Variants in CCDC141 observed in about 807,000 individuals in gnomAD.
CCDC141 encodes the protein coiled-coil domain-containing protein 141.
In CCDC141, 168 loss-of-function variants were observed where a neutral mutation model predicts 181.0. The ratio of observed to expected loss-of-function variants is 0.93; its 90% confidence interval spans 0.82 to 1.05. The LOEUF (loss-of-function observed/expected upper bound fraction) is 1.05, where lower values mean the gene tolerates loss of function less well. Among genes scored for constraint, CCDC141 ranks in the 50% least tolerant of loss-of-function variants. The probability of loss-of-function intolerance (pLI) is 0.00; values close to 1 mark genes in which losing one functional copy is unlikely to be tolerated. For synonymous variants in CCDC141, 666 were observed against 642.3 expected, an observed-to-expected ratio of 1.04 and a Z score of -0.56; for missense variants, 1,902 against 1,788.5, an observed-to-expected ratio of 1.06 and a Z score of -1.14.
At chr2:178,869,674 T>C (rs1281226984) in intron 14 of CCDC141, among the ~76,000 whole-genome samples, 1 of 152,180 alleles carries the variant, frequency 6.6e-6, no homozygotes, top group Non-Finnish European at 1.5e-5. Flanking sequence ...CAGACTAGAA[T>C]CAGGTGGTAT....
Position 178,855,472 on chromosome 2 carries a change from T to G in CCDC141, c.2935A>C (p.Lys979Gln), listed in dbSNP as rs1443825899. ...ATGACTTCCAAAAGGACATTAACTT[T>G]ATCACTTGGATAATTTAAGAAAGAA... ...SDSFLNYPSD[K>Q]VNVLLEVMKD... The change falls in exon 19 of 24, where the codon AAA (lysine) becomes CAA (glutamine). Residue 979 changes from lysine (K) to glutamine (Q), a missense_variant. By Grantham distance (53) the Lys-to-Gln change is moderately conservative. Coordinates refer to ENST00000443758, the MANE Select transcript of CCDC141 (RefSeq NM_173648.4). The G allele has an allele frequency of 6.2e-7, 1 of 1,610,436 alleles. No homozygotes were observed. The highest frequency in any genetic ancestry group is 1.7e-5 in the Admixed American group (1 of 59,462).
At chr2:178,840,130 C>T (rs1019590085) in intron 22 of CCDC141, among the ~76,000 whole-genome samples, 2 of 152,216 alleles carry the variant, frequency 1.3e-5, no homozygotes, top group Admixed American at 6.5e-5. Context: ...ACTTTAATAG[C>T]TCTTTGACTG....
chr2:179,000,868 C>A (rs900233775), intron 2 of CCDC141, among the ~76,000 whole-genome samples: 1 of 152,202 alleles, frequency 6.6e-6, no homozygotes, highest in East Asian at 1.9e-4. Context: ...AATTGACTAG[C>A]AATATCATAA....
intron 3 of CCDC141, among the ~76,000 whole-genome samples, chr2:178,975,859 G>A (rs1004248832): frequency 6.6e-6 from 1 of 152,104 alleles, no homozygotes; most frequent in South Asian, 2.1e-4. Context: ...TCTATAATTT[G>A]TAATTCTGTT....
chr2:179,002,307 G>T, intron 2 of CCDC141: 1 of 278,110 alleles, frequency 3.6e-6, no homozygotes. Flanking sequence ...CTGTTATACA[G>T]CCAGAAGAAC....
rs544672861 is a variant in CCDC141, at chr2:178,998,757, G to A, written c.226-20082C>T. ...TCTCTTCCTATTTTTAAACATCTAG[G>A]TGTTTCAGGATATCACGGTCTTTGA... On this transcript the variant is annotated intron_variant, in intron 2 of 23. Transcript: ENST00000443758. 5.3e-5 allele frequency among the ~76,000 whole-genome samples: 8 copies of A among 151,818 alleles called. No homozygotes were observed. The East Asian group carries it at 1.2e-3, about 22-fold the overall frequency.
intron 11 of CCDC141, among the ~76,000 whole-genome samples, chr2:178,881,734 A>G (rs1022832634): frequency 2.6e-5 from 4 of 152,080 alleles, no homozygotes; most frequent in Non-Finnish European, 5.9e-5. Flanking sequence ...ACAAAAAAAA[A>G]TACAAAAAAA....
intron 7 of CCDC141, among the ~76,000 whole-genome samples, chr2:178,917,186 T>C (rs980954043): frequency 1.3e-5 from 2 of 152,334 alleles, no homozygotes; most frequent in East Asian, 3.9e-4. Flanking sequence ...TGTAGATGAC[T>C]CACTCATTTT....
chr2:178,883,448 A>C (rs1367471883), intron 11 of CCDC141, among the ~76,000 whole-genome samples: 1 of 152,222 alleles, frequency 6.6e-6, no homozygotes, highest in Non-Finnish European at 1.5e-5. Flanking sequence ...AAAGAGAAAA[A>C]GCTAAAAAGA....
At chr2:178,958,722 T>A (rs1181507604) in intron 5 of CCDC141, among the ~76,000 whole-genome samples, 2 of 151,212 alleles carry the variant, frequency 1.3e-5, no homozygotes, top group Non-Finnish European at 3.0e-5. Context: ...CTTTTTTTTG[T>A]TTTTTTTACT....
At chr2:178,865,734 C>T (rs746433881) in intron 17 of CCDC141, 33 bp downstream of exon 17, 49 of 1,431,138 alleles carry the variant, frequency 3.4e-5, no homozygotes, top group Non-Finnish European at 4.2e-5. Flanking sequence ...AGCTTTTTGG[C>T]AATGTGCCAG....
At chr2:178,909,774 C>T (rs1688141119) in intron 7 of CCDC141, among the ~76,000 whole-genome samples, 1 of 152,182 alleles carries the variant, frequency 6.6e-6, no homozygotes, top group African/African-American at 2.4e-5. Context: ...CAGTACAGAA[C>T]ATATTATTTC....
rs183444011 is a variant in CCDC141, at chr2:178,909,727, C to A, written c.1093-4226G>T. On this transcript the variant is annotated intron_variant, in intron 7 of 23. Coordinates refer to ENST00000443758, the MANE Select transcript of CCDC141 (RefSeq NM_173648.4). ...CATACCCATAAAGAACCTGATATAT[C>A]GGACCCAGCCTGGAAAGACTCCCTT... 4.7e-4 allele frequency among the ~76,000 whole-genome samples: 72 copies of A among 152,208 alleles called. 2 individuals are homozygous for A. Among genetic ancestry groups the A allele is most frequent in the African/African-American group, 1.6e-3 (66 of 41,530 alleles).
intron 17 of CCDC141, among the ~76,000 whole-genome samples, chr2:178,864,207 AG>A (rs1207751734): frequency 6.6e-6 from 1 of 152,124 alleles, no homozygotes; most frequent in African/African-American, 2.4e-5. Flanking sequence ...GTAGAGGAGG[AG>A]GAAGAGAAGG....
At chr2:178,932,696 C>T (rs896112244) in intron 6 of CCDC141, among the ~76,000 whole-genome samples, 2 of 152,182 alleles carry the variant, frequency 1.3e-5, no homozygotes, top group Admixed American at 6.5e-5. Context: ...TTTCCATATA[C>T]ACCCACATAC....
chr2:179,028,644 A>T (rs916257451), intron 2 of CCDC141, among the ~76,000 whole-genome samples: 2 of 152,212 alleles, frequency 1.3e-5, no homozygotes, highest in South Asian at 4.1e-4. Context: ...GTTTGGGATT[A>T]TCTTCAACTT....
intron 8 of CCDC141, among the ~76,000 whole-genome samples, chr2:178,894,813 A>G (rs1687329652): frequency 6.6e-6 from 1 of 152,072 alleles, no homozygotes; most frequent in Admixed American, 6.6e-5. Flanking sequence ...ATAGAAGAGA[A>G]AAAAAAGGTA....
At position 178,961,343 on chromosome 2, in the gene CCDC141, G is replaced by A. The variant is rs1690387837; in HGVS notation, c.667C>T (p.Leu223Phe). ...CTCCTGTCTTGTAGAAGTTCAAGAA[G>A]GCGGTCAACCTTCAGACAGCTGCTA... ...AHSSCLKVDR[L>F]LELLQDRRRQ... The change falls in exon 5 of 24, where the codon CTT becomes TTT. Residue 223 changes from leucine (L) to phenylalanine (F), a missense_variant. Coordinates refer to ENST00000443758, the MANE Select transcript of CCDC141 (RefSeq NM_173648.4). The A allele has an allele frequency of 2.6e-6, 4 of 1,550,572 alleles. No individual in the cohort carries two copies. The highest frequency in any genetic ancestry group is 3.3e-4 in the Middle Eastern group (2 of 5,994).
intron 8 of CCDC141, among the ~76,000 whole-genome samples, chr2:178,902,664 C>T (rs1687758392): frequency 6.6e-6 from 1 of 151,818 alleles, no homozygotes; most frequent in South Asian, 2.1e-4. Context: ...TAGAAGAAAA[C>T]CTAGGCATTA....
Sources: allele counts gnomAD v4.1 joint callset (sites outside exome capture counted in the v4.1 genomes callset), GRCh38; gene constraint gnomAD v4.1.1; transcripts MANE v1.5; gene names NCBI Gene and HGNC (gene_info 2026-07-23, HGNC 2026-07-21).